EPHA5: variants seen among roughly 807,000 people sequenced by gnomAD.
EPHA5 encodes EPH receptor A5.
EPHA5 carries 60 observed loss-of-function variants against 105.0 expected under a neutral mutation model. The ratio of observed to expected loss-of-function variants is 0.57; its 90% CI spans 0.46 to 0.71. EPHA5 has a LOEUF of 0.71. EPHA5 is among the 30% of genes least tolerant of loss of function. The pLI is 0.00. For synonymous variants in EPHA5, 513 were observed against 449.1 expected, an observed-to-expected ratio of 1.14 and a Z score of -1.80; for missense variants, 1,218 against 1,274.7, an observed-to-expected ratio of 0.96 and a Z score of 0.68.
intron 13 of EPHA5, among the ~76,000 whole-genome samples, chr4:65,350,374 A>G (rs1169326285): frequency 6.6e-6 from 1 of 152,126 alleles, no homozygotes; most frequent in East Asian, 1.9e-4. Flanking sequence ...TGTTTTAAAA[A>G]AAAAACCCTT....
intron 2 of EPHA5, among the ~76,000 whole-genome samples, chr4:65,616,967 A>G (rs777587194): frequency 4.6e-5 from 7 of 152,102 alleles, no homozygotes; most frequent in Non-Finnish European, 1.0e-4. Context: ...AAATCTGCAT[A>G]GTATGCAATA....
intron 5 of EPHA5, among the ~76,000 whole-genome samples, chr4:65,468,592 T>TTATATATTATATATATATATGTAA: frequency 4.2e-5 from 1 of 23,624 alleles, no homozygotes; most frequent in South Asian, 3.1e-3. Flanking sequence ...AAAATATATA[T>TTATATATTATATATATATATGTAA]AATATATATA....
intron 2 of EPHA5, among the ~76,000 whole-genome samples, chr4:65,640,289 T>TTC (rs1368194619): frequency 1.4e-5 from 2 of 138,182 alleles, no homozygotes; most frequent in African/African-American, 5.3e-5. Flanking sequence ...TTTCTTTTTT[T>TTC]TTTTTTTTTT....
chr4:65,543,714 T>C (rs1737078456), intron 3 of EPHA5, among the ~76,000 whole-genome samples: 1 of 151,650 alleles, frequency 6.6e-6, no homozygotes, highest in Non-Finnish European at 1.5e-5. Flanking sequence ...CACAGAATTC[T>C]AGAAAAAAAT....
rs557484383 is a variant in EPHA5, at chr4:65,323,506, A to C, written c.*608T>G. 8.7e-5 allele frequency: 20 copies of C among 230,218 alleles called. No individual in the cohort carries two copies. In the East Asian group the frequency reaches 1.1e-3, roughly 13 times the overall value. The allele number at this position is 230,218 out of a possible 1,614,324, so 14.3% of individuals were successfully genotyped here. A position where few individuals can be genotyped will look rare whatever the true frequency, so the allele number is the denominator to read the frequency against. On this transcript the variant is annotated 3_prime_UTR_variant, in exon 17 of 17. Transcript: ENST00000613740. ...TAAAAGTAAACTTTATAACACAAAA[A>C]ATAAATATACACCCTGTATTGTACT...
chr4:65,536,448 C>T (rs1196239152), intron 3 of EPHA5, among the ~76,000 whole-genome samples: 1 of 151,726 alleles, frequency 6.6e-6, no homozygotes, highest in Non-Finnish European at 1.5e-5. Flanking sequence ...ATAAGTGAAA[C>T]CATATATATT....
intron 3 of EPHA5, among the ~76,000 whole-genome samples, chr4:65,527,889 C>A (rs760120461): frequency 1.3e-5 from 2 of 151,946 alleles, no homozygotes; most frequent in Non-Finnish European, 2.9e-5. Context: ...TTCCCCTCTA[C>A]GTGTCCGTTT....
intron 2 of EPHA5, among the ~76,000 whole-genome samples, chr4:65,606,318 T>G (rs1182157727): frequency 6.6e-6 from 1 of 152,184 alleles, no homozygotes; most frequent in African/African-American, 2.4e-5. Flanking sequence ...ATGAATGAAT[T>G]AATATCAAAC....
intron 3 of EPHA5, among the ~76,000 whole-genome samples, chr4:65,575,616 A>G (rs1224170122): frequency 6.6e-6 from 1 of 152,160 alleles, no homozygotes; most frequent in Non-Finnish European, 1.5e-5. Flanking sequence ...TTAAAAGGCC[A>G]TTAATAAGCC....
Position 65,669,562 on chromosome 4 carries a change from C to T in EPHA5, c.181G>A (p.Val61Met), listed in dbSNP as rs527913976. ...RTLLASPSNE[V>M]NLLDSRTVMG... ...ACGGTCCCCACCCCCATCTCCCTAC[C>T]TTCGTTGCTGGGGCTGGCCAGGAGG... The change falls in exon 1 of 17, where the codon GTG (valine) becomes ATG (methionine). Residue 61 changes from valine to methionine, a missense_variant and splice_region_variant. This residue lies in a region of EPHA5 where 233 missense variants were observed against 227.5 expected (regional missense o/e 1.02). Coordinates refer to ENST00000613740, the MANE Select transcript of EPHA5 (RefSeq NM_001281766.3). The T allele has an allele frequency of 2.9e-6, 4 of 1,398,784 alleles. No homozygotes were observed. Among genetic ancestry groups the T allele is most frequent in the East Asian group, 5.5e-5 (2 of 36,432 alleles). 86.6% of individuals were successfully genotyped at this position (1,398,784 alleles called of 1,614,324 possible).
chr4:65,573,120 T>A (rs985529110), intron 3 of EPHA5, among the ~76,000 whole-genome samples: 5 of 150,116 alleles, frequency 3.3e-5, no homozygotes, highest in African/African-American at 1.2e-4. Flanking sequence ...TTGAAAACAC[T>A]CAAATACAGG....
chr4:65,490,499 A>G lies in EPHA5; in HGVS notation c.1280T>C (p.Met427Thr), dbSNP rs1011855504. The G allele has an allele frequency of 6.2e-7, 1 of 1,614,158 alleles. No individual in the cohort carries two copies. Among genetic ancestry groups the G allele is most frequent in the South Asian group, 1.1e-5 (1 of 91,082 alleles). ...RQSGLKNTSV[M>T]MVDLLAHTNY... is the part of the protein sequence containing the mutation. Reference sequence around the variant, plus strand: ...TGTGTGAGCGAGTAGATCCACCATCATGACAGAGGTGTTTTTCAGGCCGCT... The same window carrying G: ...TGTGTGAGCGAGTAGATCCACCATCGTGACAGAGGTGTTTTTCAGGCCGCT... Residue 427 changes from methionine (M) to threonine (T), a missense_variant, in exon 5 of 17, where the codon ATG (methionine) becomes ACG (threonine). Coordinates refer to ENST00000613740, the MANE Select transcript of EPHA5 (RefSeq NM_001281766.3).
At chr4:65,436,604 A>C (rs4406062) in intron 5 of EPHA5, among the ~76,000 whole-genome samples, 2 of 151,806 alleles carry the variant, frequency 1.3e-5, no homozygotes, top group Non-Finnish European at 3.0e-5. Flanking sequence ...TTGTGATTCA[A>C]TGTTTGTACT....
intron 3 of EPHA5, among the ~76,000 whole-genome samples, chr4:65,531,130 C>CG (rs1221916354): frequency 6.6e-6 from 1 of 150,966 alleles, no homozygotes; most frequent in African/African-American, 2.4e-5. Flanking sequence ...CTCCGCTTCC[C>CG]GGGTTCACGC....
intron 14 of EPHA5, among the ~76,000 whole-genome samples, chr4:65,347,605 A>G (rs558411742): frequency 6.6e-6 from 1 of 152,258 alleles, no homozygotes; most frequent in South Asian, 2.1e-4. Context: ...TACATTTTTT[A>G]ATTTAAAGAA....
chr4:65,396,818 A>G (rs1196819007), intron 8 of EPHA5, among the ~76,000 whole-genome samples: 2 of 152,194 alleles, frequency 1.3e-5, no homozygotes, highest in African/African-American at 2.4e-5. Flanking sequence ...AGCCCCTGAT[A>G]TCAGGAGGAA....
chr4:65,465,139 A>G (rs1250124857), intron 5 of EPHA5, among the ~76,000 whole-genome samples: 3 of 152,088 alleles, frequency 2.0e-5, no homozygotes, highest in Admixed American at 2.0e-4. Context: ...AGCTGGTAAT[A>G]GAAATTGAGT....
chr4:65,558,615 C>T (rs12507512), intron 3 of EPHA5, among the ~76,000 whole-genome samples: 17 of 152,146 alleles, frequency 1.1e-4, no homozygotes, highest in Admixed American at 7.9e-4. Context: ...CATATGTATA[C>T]ATGTGTCATG....
chr4:65,478,359 G>A (rs990827590), intron 5 of EPHA5, among the ~76,000 whole-genome samples: 1 of 152,124 alleles, frequency 6.6e-6, no homozygotes, highest in South Asian at 2.1e-4. Flanking sequence ...ACATTAAAAT[G>A]ATAAGTTAAC....
Sources: gnomAD v4.1 joint callset for allele counts (sites outside exome capture counted in the v4.1 genomes callset) on GRCh38, gnomAD v4.1.1 for gene constraint, gnomAD v4.1.1 regional missense constraint, MANE v1.5 for transcripts, NCBI Gene and HGNC (gene_info 2026-07-23, HGNC 2026-07-21) for gene names.